AGRN: variants seen among roughly 807,000 people sequenced by gnomAD.
AGRN encodes the protein agrin proteoglycan.
Under a neutral mutation model 211.0 loss-of-function variants are expected in AGRN, and 106 were observed. The observed-to-expected ratio is 0.50, with a 90% CI of 0.43 to 0.59. The LOEUF is 0.59. AGRN is among the 20% of genes least tolerant of loss of function. The pLI is 0.00. For synonymous variants in AGRN, 1,525 were observed against 1,332.5 expected (o/e 1.14, Z -3.15); for missense variants, 3,040 against 2,982.6 (o/e 1.02, Z -0.45).
In AGRN at chr1:1,051,715, G is replaced by T. The variant is rs1394830041; in HGVS notation, c.5564-13G>T. The T allele has an allele frequency of 6.2e-6, 10 of 1,613,504 alleles. No individual in the cohort carries two copies. Among genetic ancestry groups the T allele is most frequent in the Non-Finnish European group, 8.5e-6 (10 of 1,179,982 alleles). ...AGCCCACGAGGCCCCACCCTCACCT[G>T]CCTATCTCACAGGGCTGGTGGAGAA... is the stretch of plus-strand genomic sequence containing the variant. On this transcript the variant is annotated splice_polypyrimidine_tract_variant and intron_variant, in intron 32 of 35. Transcript: ENST00000379370.
In AGRN at chr1:1,035,263, T is replaced by G. The variant is rs1369941759; in HGVS notation, c.464-14T>G. On this transcript the variant is annotated splice_polypyrimidine_tract_variant and intron_variant, in intron 2 of 35. Transcript: ENST00000379370. ...GCTCAGAGGAGCCTAACTTGGGGAT[T>G]TGTTTTCTTCCAGATAAACCCGGGA... 6.2e-6 allele frequency: 10 copies of G among 1,612,980 alleles called. No individual in the cohort carries two copies. The highest frequency in any genetic ancestry group is 6.8e-6 in the Non-Finnish European group (8 of 1,179,956).
At chr1:1,037,138 G>T (rs1570178018) in intron 3 of AGRN, among the ~76,000 whole-genome samples, 1 of 152,338 alleles carries the variant, frequency 6.6e-6, no homozygotes, top group East Asian at 1.9e-4. Context: ...ACAGGTCTAT[G>T]CAGGTCTATG....
rs755754244 is a variant in AGRN, at chr1:1,049,623, C to T, written c.4572C>T (p.Asp1524=). 86 of 1,590,762 alleles carry T rather than the reference C, an allele frequency of 5.4e-5. No individual in the cohort carries two copies. The highest frequency in any genetic ancestry group is 6.7e-5 in the African/African-American group (5 of 74,660). ...TGAGGGGGTGCATCCGTTTGCTGGA[C>T]GTCAACAACCAGCGCCTGGAGCTTG... ...AGLRGCIRLL[D]VNNQRLELGI... Residue 1524 remains aspartate (D), a synonymous_variant, in exon 26 of 36, where the codon GAC becomes GAT. Coordinates refer to ENST00000379370, the MANE Select transcript of AGRN (RefSeq NM_198576.4).
In AGRN at chr1:1,032,541, C is replaced by T. The variant is rs1368032337; in HGVS notation, c.464-2736C>T. On this transcript the variant is annotated intron_variant, in intron 2 of 35. Transcript: ENST00000379370. This position sits in a 1 kb window ranked among gnomAD's most constrained non-coding sequence, Gnocchi z 4.7. Reference sequence around the variant, plus strand: ...ACTCCAGGAAGGCAGCAGGTGTGGGCAGTGGGTCCTCTGGGGTGGACTGAG... The same window carrying T: ...ACTCCAGGAAGGCAGCAGGTGTGGGTAGTGGGTCCTCTGGGGTGGACTGAG... Among the ~76,000 whole-genome samples the T allele has an allele frequency of 6.6e-6, 1 of 152,074 alleles. No individual in the cohort carries two copies. The highest frequency in any genetic ancestry group is 1.5e-5 in the Non-Finnish European group (1 of 67,996).
intron 2 of AGRN, chr1:1,034,734 G>A: frequency 9.9e-7 from 1 of 1,008,296 alleles, no homozygotes; most frequent in Non-Finnish European, 1.2e-6. Context: ...CGTCGCACTG[G>A]CCAAGCCCCA....
intron 3 of AGRN, 100 bp from the exon 4 acceptor site, chr1:1,040,565 G>T: frequency 7.2e-7 from 1 of 1,388,024 alleles, no homozygotes; most frequent in Non-Finnish European, 9.9e-7. Flanking sequence ...GCGCGGGGGC[G>T]GGTGAATGCG....
chr1:1,045,459 C>A lies in AGRN; in HGVS notation c.2472C>A (p.Asp824Glu), dbSNP rs1382541963. The stretch of plus-strand genomic sequence containing the variant: ...CAGGTGTGGGGGGCCTCAGGTGTGA[C>A]CGCTGTGAGCCTGGCTTCTGGAACT... Reference protein sequence around the residue: ...CRPGVGGLRCDRCEPGFWNFR... With the variant: ...CRPGVGGLRCERCEPGFWNFR... The change falls in exon 14 of 36, where the codon GAC becomes GAA. Residue 824 changes from aspartate (D) to glutamate (E), a missense_variant. Coordinates refer to ENST00000379370, the MANE Select transcript of AGRN (RefSeq NM_198576.4). 3 of 1,612,844 alleles carry A rather than the reference C, an allele frequency of 1.9e-6. No individual in the cohort carries two copies. Among genetic ancestry groups the A allele is most frequent in the Admixed American group, 3.3e-5 (2 of 60,016 alleles).
intron 2 of AGRN, among the ~76,000 whole-genome samples, chr1:1,030,715 A>T (rs1644649668): frequency 1.6e-5 from 1 of 61,090 alleles, no homozygotes; most frequent in African/African-American, 6.4e-5. Context: ...GTGCTGTGTG[A>T]GATCAGCATG....
chr1:1,041,167 C>T lies in AGRN; in HGVS notation c.728-6C>T, dbSNP rs1379238699. 2.9e-6 allele frequency: 4 copies of T among 1,402,266 alleles called. No homozygotes were observed. Among genetic ancestry groups the T allele is most frequent in the Non-Finnish European group, 3.7e-6 (4 of 1,081,372 alleles). 86.9% of individuals were successfully genotyped at this position (1,402,266 alleles called of 1,614,324 possible). ...GCCCGTCTGACCGGCAAAGCCCCGC[C>T]CGCAGGCTCGCGGGACCCCTGCTCC... On this transcript the variant is annotated splice_region_variant and splice_polypyrimidine_tract_variant and intron_variant, in intron 4 of 35. Coordinates refer to ENST00000379370, the MANE Select transcript of AGRN (RefSeq NM_198576.4).
At position 1,045,504 on chromosome 1, in the gene AGRN, T is replaced by C. The variant is rs1645065952; in HGVS notation, c.2517T>C (p.Asp839=). The part of the protein sequence containing the change: ...GFWNFRGIVT[D]GRSGCTPCSC... ...GGAACTTTCGAGGCATCGTCACCGA[T>C]GGCCGGAGTGGCTGTACACGTGAGT... Residue 839 remains aspartate (D), a synonymous_variant, in exon 14 of 36, where the codon GAT becomes GAC. Coordinates refer to ENST00000379370, the MANE Select transcript of AGRN (RefSeq NM_198576.4). 6.2e-7 allele frequency: 1 copy of C among 1,612,930 alleles called. No individual in the cohort carries two copies. The highest frequency in any genetic ancestry group is 8.5e-7 in the Non-Finnish European group (1 of 1,179,938).
Position 1,041,337 on chromosome 1 carries a change from C to G in AGRN, c.892C>G (p.Leu298Val). Residue 298 changes from leucine to valine, a missense_variant, in exon 5 of 36, where the codon CTC becomes GTC. This residue lies in a region of AGRN where 1,498 missense variants were observed against 1,457.8 expected (regional missense o/e 1.03). Coordinates refer to ENST00000379370, the MANE Select transcript of AGRN (RefSeq NM_198576.4). ...DGADYPGECQ[L>V]LRRACARQEN... ...CGCCGACTACCCCGGCGAGTGCCAG[C>G]TCCTGCGCCGCGCCTGCGCCCGCCA... 6.5e-7 allele frequency: 1 copy of G among 1,530,050 alleles called. No homozygotes were observed. The highest frequency in any genetic ancestry group is 8.7e-7 in the Non-Finnish European group (1 of 1,144,968). The allele number at this position is 1,530,050 out of a possible 1,614,324, so 94.8% of individuals were successfully genotyped here.
chr1:1,027,328 C>A (rs1644542851), intron 2 of AGRN, among the ~76,000 whole-genome samples: 1 of 152,224 alleles, frequency 6.6e-6, no homozygotes, highest in African/African-American at 2.4e-5. Context: ...CCTGGAGCCT[C>A]CACTAGTGGG....
rs1570159157 is a variant in AGRN, at chr1:1,031,011, A to G, written c.464-4266A>G. 4.7e-5 allele frequency among the ~76,000 whole-genome samples: 3 copies of G among 64,486 alleles called. No homozygotes were observed. Among genetic ancestry groups the G allele is most frequent in the East Asian group, 6.6e-4 (1 of 1,520 alleles). The allele number at this position is 64,486 out of a possible 152,430, so 42.3% of individuals were successfully genotyped here. A position where few individuals can be genotyped will look rare whatever the true frequency, so the allele number is the denominator to read the frequency against. Reference sequence around the variant, plus strand: ...GCATGGTGCTGAGTGTGAGATCAGCATGTGTGTGTGCAGTGCATGGTGCTG... The same window carrying G: ...GCATGGTGCTGAGTGTGAGATCAGCGTGTGTGTGTGCAGTGCATGGTGCTG... On this transcript the variant is annotated intron_variant, in intron 2 of 35. Coordinates refer to ENST00000379370, the MANE Select transcript of AGRN (RefSeq NM_198576.4). The surrounding 1 kb of genome is among the most constrained non-coding windows in gnomAD (Gnocchi z 4.8).
At chr1:1,026,496 T>C (rs1220410514) in intron 2 of AGRN, among the ~76,000 whole-genome samples, 1 of 152,176 alleles carries the variant, frequency 6.6e-6, no homozygotes, top group Non-Finnish European at 1.5e-5. Context: ...CCTGAAGGGC[T>C]GACTCTGCCC....
Position 1,041,512 on chromosome 1 carries a change from C to T in AGRN, c.987C>T (p.Arg329=), listed in dbSNP as rs774763687. ...PCQGALPDPS[R]SCRVNPRTRR... is the part of the protein sequence containing the mutation. Reference sequence around the variant, plus strand: ...AGGGCGCCCTCCCTGACCCGAGCCGCAGCTGCCGTGTGAACCCGCGCACGC... The same window carrying T: ...AGGGCGCCCTCCCTGACCCGAGCCGTAGCTGCCGTGTGAACCCGCGCACGC... Residue 329 remains arginine, a synonymous_variant, in exon 6 of 36, where the codon CGC becomes CGT. Coordinates refer to ENST00000379370, the MANE Select transcript of AGRN (RefSeq NM_198576.4). The T allele has an allele frequency of 2.5e-6, 4 of 1,600,604 alleles. No individual in the cohort carries two copies. Among genetic ancestry groups the T allele is most frequent in the South Asian group, 2.2e-5 (2 of 90,760 alleles).
At position 1,020,374 on chromosome 1, in the gene AGRN, G is replaced by A; in HGVS notation, c.201+1G>A. The A allele has an allele frequency of 6.7e-7, 1 of 1,496,716 alleles. No individual in the cohort carries two copies. Among genetic ancestry groups the A allele is most frequent in the Non-Finnish European group, 8.9e-7 (1 of 1,121,838 alleles). The allele number at this position is 1,496,716 out of a possible 1,614,324, so 92.7% of individuals were successfully genotyped here. A position where few individuals can be genotyped will look rare whatever the true frequency, so the allele number is the denominator to read the frequency against. On this transcript the variant is annotated splice_donor_variant, in intron 1 of 35. Transcript: ENST00000379370. LOFTEE classifies it high-confidence loss of function. ...GGTGCAGCACACGTACTCCTGCAAG[G>A]TGCGCCCACCCGGACCCCGGCCTCC...
In AGRN at chr1:1,053,974, A is replaced by G. The variant is rs1645383491; in HGVS notation, c.5873A>G (p.His1958Arg). The G allele has an allele frequency of 6.3e-7, 1 of 1,597,788 alleles. No homozygotes were observed. Among genetic ancestry groups the G allele is most frequent in the Non-Finnish European group, 8.5e-7 (1 of 1,173,234 alleles). Residue 1958 changes from histidine to arginine, a missense_variant, in exon 34 of 36, where the codon CAT (histidine) becomes CGT (arginine). Transcript: ENST00000379370. ...NTNRWLRVVA[H>R]REQREGSLQV... ...AACCGCTGGTTGCGGGTCGTGGCAC[A>G]TAGGTGAGTAGGGAACCCAGCGTGC...
chr1:1,023,357 G>T (rs994272421), intron 2 of AGRN, among the ~76,000 whole-genome samples: 3 of 152,204 alleles, frequency 2.0e-5, no homozygotes, highest in African/African-American at 7.2e-5. Context: ...GGCTATGCAG[G>T]GGGAGGGGCA....
intron 3 of AGRN, among the ~76,000 whole-genome samples, chr1:1,036,184 G>A (rs1314010170): frequency 6.6e-6 from 1 of 152,198 alleles, no homozygotes; most frequent in Admixed American, 6.5e-5. Flanking sequence ...GGGGAATCCT[G>A]AAGTGATCTG....
Sources: gnomAD v4.1 joint callset for allele counts (sites outside exome capture counted in the v4.1 genomes callset) on GRCh38, gnomAD v4.1.1 for gene constraint, gnomAD v4.1.1 regional missense constraint, Gnocchi (gnomAD v3.1) non-coding constraint, MANE v1.5 for transcripts, NCBI Gene and HGNC (gene_info 2026-07-23, HGNC 2026-07-21) for gene names.